CNPPD1: variants seen among roughly 807,000 people sequenced by gnomAD.
The protein encoded by CNPPD1 is cyclin Pas1/PHO80 domain containing 1.
In CNPPD1, 40 loss-of-function variants were observed where a neutral mutation model predicts 43.7. The observed-to-expected ratio is 0.92, with a 90% CI of 0.71 to 1.19. CNPPD1 has a LOEUF of 1.19. Among genes scored for constraint, CNPPD1 ranks in the 50% most tolerant of loss-of-function variants. The probability of loss-of-function intolerance (pLI) is 0.00; values close to 1 mark genes in which losing one functional copy is unlikely to be tolerated. For missense variants in CNPPD1, 511 were observed against 518.5 expected, an observed-to-expected ratio of 0.99 and a Z score of 0.14; for synonymous variants, 208 against 214.3, an observed-to-expected ratio of 0.97 and a Z score of 0.26.
rs1305113758 is a variant in CNPPD1 at position 219,172,867 on chromosome 2, G to C, written c.952C>G (p.Pro318Ala). ...GGGTCTGGGGGAGGCAATGGTGGAGGAGTCAGTGAGGCCAGAAGACTGCCC... is the reference window on the plus strand; with the variant it reads ...GGGTCTGGGGGAGGCAATGGTGGAGCAGTCAGTGAGGCCAGAAGACTGCCC... ...LWGSLLASLTPPPLPPPDPPA... is the reference protein window; with the variant it reads ...LWGSLLASLTAPPLPPPDPPA... Residue 318 changes from proline to alanine, a missense_variant, in exon 8 of 8, where the codon CCT (proline) becomes GCT (alanine). Coordinates refer to ENST00000360507, the MANE Select transcript of CNPPD1 (RefSeq NM_015680.6). 6.3e-7 allele frequency: 1 copy of C among 1,594,378 alleles called. No individual in the cohort carries two copies. Among genetic ancestry groups the C allele is most frequent in the African/African-American group, 1.3e-5 (1 of 74,456 alleles).
In CNPPD1 at chr2:219,173,067, GCCA is replaced by G; in HGVS notation, c.749_751del (p.Val250del). 1 of 1,608,908 alleles carries G rather than the reference GCCA, an allele frequency of 6.2e-7. No homozygotes were observed. The highest frequency in any genetic ancestry group is 2.2e-5 in the East Asian group (1 of 44,868). On this transcript the variant is annotated inframe_deletion, in exon 8 of 8. Transcript: ENST00000360507. ...CAGCCCCAAAGACTGATGTATTACGGCCACCGATGCCACAGCCAGGGCCACACT... is the reference window on the plus strand; with the variant it reads ...CAGCCCCAAAGACTGATGTATTACGGCCGATGCCACAGCCAGGGCCACACT...
At chr2:219,174,289 A>T (rs1950123316) in intron 5 of CNPPD1, 82 bp from the exon 6 acceptor site, 8 of 1,366,854 alleles carry the variant, frequency 5.9e-6, no homozygotes, top group Non-Finnish European at 8.4e-6. Context: ...CAGCAACTAC[A>T]ACCGCCCCTA....
Position 219,173,018 on chromosome 2 carries a change from C to T in CNPPD1, c.801G>A (p.Pro267=), listed in dbSNP as rs141835303. 5.1e-5 allele frequency: 82 copies of T among 1,613,422 alleles called. No homozygotes were observed. Among genetic ancestry groups the T allele is most frequent in the African/African-American group, 2.1e-4 (16 of 74,868 alleles). Residue 267 remains proline, a synonymous_variant, in exon 8 of 8, where the codon CCG becomes CCA. Coordinates refer to ENST00000360507, the MANE Select transcript of CNPPD1 (RefSeq NM_015680.6). ...AACGGGAGGTCAGTCCAAGGTCAGG[C>T]GGCCCAGGTGTAGGGATGCAGGACA... ...LGLSCIPTPG[P]PDLGLTSRCL...
chr2:219,175,697 A>C (rs547588114), intron 2 of CNPPD1, 25 bp from the exon 3 acceptor site: 2 of 1,610,354 alleles, frequency 1.2e-6, no homozygotes, highest in African/African-American at 1.3e-5. Flanking sequence ...AGGAAGGCCG[A>C]GTGAGCAAAC....
chr2:219,178,013 C>A (rs559164537), upstream of CNPPD1: 219 of 162,932 alleles, frequency 1.3e-3, 1 homozygote, highest in African/African-American at 5.0e-3. Context: ...GGGGCAGCAC[C>A]ACACTCCCTA....
At chr2:219,177,047 G>C (rs1485161956), upstream of CNPPD1, 13 of 459,482 alleles carry the variant, frequency 2.8e-5, no homozygotes, top group Non-Finnish European at 5.0e-5. Flanking sequence ...GCTTGGCGCG[G>C]CGCGCGGGGG....
rs147244332 is a variant in CNPPD1, at chr2:219,176,349, C to A, written c.70-18G>T. ...GGGAGGAACTGAAACAGGGCAGGGGCAGCGGAGGGTGAAGGGCACGGAAAG... is the reference window on the plus strand; with the variant it reads ...GGGAGGAACTGAAACAGGGCAGGGGAAGCGGAGGGTGAAGGGCACGGAAAG... On this transcript the variant is annotated intron_variant, in intron 1 of 7. Transcript: ENST00000360507. 1,037 of 1,569,330 alleles carry A rather than the reference C, an allele frequency of 6.6e-4. 7 individuals are homozygous for A. The African/African-American group carries it at 0.012, about 19-fold the overall frequency.
Position 219,175,625 on chromosome 2 carries a change from G to T in CNPPD1, c.226C>A (p.Arg76=). 1 of 1,613,858 alleles carries T rather than the reference G, an allele frequency of 6.2e-7. No individual in the cohort carries two copies. Among genetic ancestry groups the T allele is most frequent in the Non-Finnish European group, 8.5e-7 (1 of 1,179,934 alleles). Residue 76 remains arginine (R), a synonymous_variant, in exon 3 of 8, where the codon CGA becomes AGA. Transcript: ENST00000360507. ...TGAGCTACATATTTCTTCTGGAGTCGGCGAATAGGGCTGGGGGCTGCCTTC... is the reference window on the plus strand; with the variant it reads ...TGAGCTACATATTTCTTCTGGAGTCTGCGAATAGGGCTGGGGGCTGCCTTC... ...LQKAAPSPIR[R]LQKKYVAHVS... is the part of the protein sequence containing the mutation.
At chr2:219,174,536 CCT>C (rs1434226268) in intron 5 of CNPPD1, among the ~76,000 whole-genome samples, 1 of 151,558 alleles carries the variant, frequency 6.6e-6, no homozygotes. Flanking sequence ...CAGAGTGTAC[CCT>C]GTGGGGCCCT....
upstream of CNPPD1, chr2:219,177,809 TG>T (rs958193685): frequency 6.6e-6 from 1 of 152,234 alleles, no homozygotes; most frequent in African/African-American, 2.4e-5. Flanking sequence ...GAGTAGATGT[TG>T]TTTTCGAGTC....
At position 219,175,661 on chromosome 2, in the gene CNPPD1, C is replaced by G. The variant is rs773704071; in HGVS notation, c.190G>C (p.Glu64Gln). The G allele has an allele frequency of 6.2e-7, 1 of 1,613,914 alleles. No homozygotes were observed. The highest frequency in any genetic ancestry group is 8.5e-7 in the Non-Finnish European group (1 of 1,179,910). The change falls in exon 3 of 8, where the codon GAA becomes CAA. Residue 64 changes from glutamate to glutamine, a missense_variant. Physicochemically the swap from Glu to Gln is conservative, Grantham distance 29. Coordinates refer to ENST00000360507, the MANE Select transcript of CNPPD1 (RefSeq NM_015680.6). ...CTGGGGGCTGCCTTCTGGAGCAGTT[C>G]GACAGCAATGTCTGCAAGGGACAGA... is the stretch of plus-strand genomic sequence containing the variant. The part of the protein sequence containing the change: ...LSSPVADIAV[E>Q]LLQKAAPSPI...
chr2:219,174,269 A>C, intron 5 of CNPPD1, 62 bp from the exon 6 acceptor site: 5 of 1,539,766 alleles, frequency 3.2e-6, no homozygotes, highest in Non-Finnish European at 4.5e-6. Context: ...TTTAATAATA[A>C]GAGCCATAGC....
chr2:219,175,802 T>C (rs1289287639), intron 2 of CNPPD1, 130 bp from the exon 3 acceptor site: 7 of 739,536 alleles, frequency 9.5e-6, no homozygotes, highest in Non-Finnish European at 1.4e-5. Context: ...AGTAACAAAA[T>C]AGAGATCAAA....
At chr2:219,174,682 A>G in intron 5 of CNPPD1, 96 bp downstream of exon 5, 8 of 1,480,960 alleles carry the variant, frequency 5.4e-6, no homozygotes, top group Non-Finnish European at 7.2e-6. Context: ...AGGAAGAGAA[A>G]TGACGAACCA....
At chr2:219,173,948 G>C (rs1049239473) in intron 6 of CNPPD1, among the ~76,000 whole-genome samples, 198 bp downstream of exon 6, 5 of 151,890 alleles carry the variant, frequency 3.3e-5, no homozygotes, top group Admixed American at 3.3e-4. Context: ...CCCAATACAT[G>C]TATTTTAAAT....
In CNPPD1 at chr2:219,174,987, C is replaced by A; in HGVS notation, c.381+1G>T. On this transcript the variant is annotated splice_donor_variant, in intron 4 of 7. Coordinates refer to ENST00000360507, the MANE Select transcript of CNPPD1 (RefSeq NM_015680.6). LOFTEE classifies it high-confidence loss of function. ...AGGGAGATGGGGAGGGGGTGTCTTA[C>A]CATGGAGATCAGGAACAAGTCAGAG... 6.2e-7 allele frequency: 1 copy of A among 1,614,014 alleles called. No homozygotes were observed. Among genetic ancestry groups the A allele is most frequent in the Non-Finnish European group, 8.5e-7 (1 of 1,180,006 alleles).
intron 7 of CNPPD1, 102 bp from the exon 8 acceptor site, chr2:219,173,230 A>G: frequency 7.0e-7 from 1 of 1,418,856 alleles, no homozygotes; most frequent in South Asian, 1.3e-5. Context: ...AGCCATTTAC[A>G]CCCCACTCTG....
chr2:219,172,411 G>A lies in CNPPD1; in HGVS notation c.*175C>T, dbSNP rs1047761066. ...TCCTGGCCAAGCAGCCAGCCACTGCGATCTAGGAGTGAATTACCTTCAGTC... is the reference window on the plus strand; with the variant it reads ...TCCTGGCCAAGCAGCCAGCCACTGCAATCTAGGAGTGAATTACCTTCAGTC... On this transcript the variant is annotated 3_prime_UTR_variant, in exon 8 of 8. Coordinates refer to ENST00000360507, the MANE Select transcript of CNPPD1 (RefSeq NM_015680.6). 9.9e-6 allele frequency: 7 copies of A among 708,242 alleles called. No homozygotes were observed. The highest frequency in any genetic ancestry group is 3.5e-5 in the African/African-American group (2 of 56,402). 43.9% of individuals were successfully genotyped at this position (708,242 alleles called of 1,614,324 possible). A position where few individuals can be genotyped will look rare whatever the true frequency, so the allele number is the denominator to read the frequency against.
chr2:219,176,741 G>A lies in CNPPD1; in HGVS notation c.69+19C>T, dbSNP rs1371892149. On this transcript the variant is annotated intron_variant, in intron 1 of 7. Coordinates refer to ENST00000360507, the MANE Select transcript of CNPPD1 (RefSeq NM_015680.6). ...GGGGCGCGCCGGGAGGCCGGGGAGG[G>A]GGCGGGACCCCCACTCACCGTGAAG... The A allele has an allele frequency of 6.4e-7, 1 of 1,553,628 alleles. No individual in the cohort carries two copies. Among genetic ancestry groups the A allele is most frequent in the South Asian group, 1.2e-5 (1 of 84,878 alleles).
Sources: allele counts gnomAD v4.1 joint callset (sites outside exome capture counted in the v4.1 genomes callset), GRCh38; gene constraint gnomAD v4.1.1; transcripts MANE v1.5; gene names NCBI Gene and HGNC (gene_info 2026-07-23, HGNC 2026-07-21).